RNFT2: variants seen among roughly 807,000 people sequenced by gnomAD.
RNFT2 encodes ring finger protein, transmembrane 2, also known as E3 ubiquitin-protein ligase RNFT2.
RNFT2 carries 36 observed loss-of-function variants against 53.0 expected under a neutral mutation model. That is an observed-to-expected ratio of 0.68 (90% CI 0.52 to 0.90). The LOEUF (loss-of-function observed/expected upper bound fraction) is 0.90, where lower values mean the gene tolerates loss of function less well. Among genes scored for constraint, RNFT2 ranks in the 40% least tolerant of loss-of-function variants. The pLI, the probability that RNFT2 is intolerant of heterozygous loss-of-function variation, is 0.00. For missense variants in RNFT2, 514 were observed against 585.6 expected (o/e 0.88, Z 1.26); for synonymous variants, 260 against 253.2 (o/e 1.03, Z -0.26).
At chr12:116,790,159 T>C (rs1874168822) in intron 7 of RNFT2, among the ~76,000 whole-genome samples, 1 of 152,358 alleles carries the variant, frequency 6.6e-6, no homozygotes, top group African/African-American at 2.4e-5. Flanking sequence ...TTCTCTGTGC[T>C]AGAAAAGACC....
At chr12:116,843,722 T>C (rs1455770259) in intron 10 of RNFT2, among the ~76,000 whole-genome samples, 1 of 152,094 alleles carries the variant, frequency 6.6e-6, no homozygotes, top group Non-Finnish European at 1.5e-5. Flanking sequence ...AACCTGGTTT[T>C]TTGAACCTTT....
At chr12:116,826,005 G>C (rs535309110) in intron 7 of RNFT2, among the ~76,000 whole-genome samples, 27 of 149,622 alleles carry the variant, frequency 1.8e-4, no homozygotes, top group Non-Finnish European at 3.2e-4. Flanking sequence ...TTTCATCTCT[G>C]TCTGTGCATT....
chr12:116,802,114 C>T (rs1370070919), intron 7 of RNFT2, among the ~76,000 whole-genome samples: 3 of 152,168 alleles, frequency 2.0e-5, no homozygotes, highest in Non-Finnish European at 4.4e-5. Context: ...AGCCACTGCA[C>T]CCAGCCTAAT....
At chr12:116,788,545 A>T (rs765110872) in intron 7 of RNFT2, among the ~76,000 whole-genome samples, 1 of 151,932 alleles carries the variant, frequency 6.6e-6, no homozygotes, top group African/African-American at 2.4e-5. Context: ...AGCACCCTAT[A>T]CTTCCCCTAT....
In RNFT2 at chr12:116,811,915, G is replaced by C. The variant is rs376855207; in HGVS notation, c.883-21877G>C. On this transcript the variant is annotated intron_variant, in intron 7 of 10. Coordinates refer to ENST00000257575, the MANE Select transcript of RNFT2 (RefSeq NM_001382266.1). ...ACCAATAGGCACCAGCCCTGGACTGGGTCCTGGGGCTGCCTGGTTTGAATC... is the reference window on the plus strand; with the variant it reads ...ACCAATAGGCACCAGCCCTGGACTGCGTCCTGGGGCTGCCTGGTTTGAATC... Among the ~76,000 whole-genome samples the C allele has an allele frequency of 1.6e-4, 24 of 152,328 alleles. No individual in the cohort carries two copies. In the South Asian group the frequency reaches 3.9e-3, roughly 25 times the overall value.
chr12:116,806,450 TA>T (rs1875085055), intron 7 of RNFT2, among the ~76,000 whole-genome samples: 1 of 150,456 alleles, frequency 6.6e-6, no homozygotes, highest in South Asian at 2.1e-4. Context: ...TTTAATCTAG[TA>T]AAATGTTTAA....
chr12:116,789,986 G>GGATGGATA (rs1043970338), intron 7 of RNFT2, among the ~76,000 whole-genome samples: 4 of 151,934 alleles, frequency 2.6e-5, no homozygotes, highest in Non-Finnish European at 4.4e-5. Context: ...ATGGATGGAT[G>GGATGGATA]GATGGATAGT....
Position 116,850,635 on chromosome 12 carries a change from T to TTTTTTTTG in RNFT2, c.*1189_*1190insTTTTTGTT, listed in dbSNP as rs1555211110. ...CTTTTCTTTTCTTTTTTTTTTTTTT[T>TTTTTTTTG]TTGTTGTTGTGAGACAGAGTCTTGC... On this transcript the variant is annotated 3_prime_UTR_variant, in exon 11 of 11. Coordinates refer to ENST00000257575, the MANE Select transcript of RNFT2 (RefSeq NM_001382266.1). 3 of 149,922 alleles carry TTTTTTTTG rather than the reference T, an allele frequency of 2.0e-5. No homozygotes were observed. Among genetic ancestry groups the TTTTTTTTG allele is most frequent in the South Asian group, 2.1e-4 (1 of 4,738 alleles). 9.3% of individuals were successfully genotyped at this position (149,922 alleles called of 1,614,324 possible).
At chr12:116,841,323 C>T (rs1877236803) in intron 10 of RNFT2, among the ~76,000 whole-genome samples, 1 of 152,090 alleles carries the variant, frequency 6.6e-6, no homozygotes, top group South Asian at 2.1e-4. Flanking sequence ...TGTGGTGGTG[C>T]ACGCCTGTGG....
At chr12:116,846,753 C>CT (rs1223221501) in intron 10 of RNFT2, among the ~76,000 whole-genome samples, 1 of 151,864 alleles carries the variant, frequency 6.6e-6, no homozygotes, top group South Asian at 2.1e-4. Flanking sequence ...TACATTTGCC[C>CT]TTTTTTTGAC....
chr12:116,788,789 T>C (rs1358805534), intron 7 of RNFT2, among the ~76,000 whole-genome samples: 5 of 151,344 alleles, frequency 3.3e-5, no homozygotes, highest in Admixed American at 2.6e-4. Context: ...ATAGATGAAT[T>C]AGATGATCAT....
chr12:116,779,306 C>T lies in RNFT2; in HGVS notation c.840C>T (p.Leu280=). Residue 280 remains leucine (L), a synonymous_variant, in exon 7 of 11, where the codon CTC becomes CTT. Transcript: ENST00000257575. The part of the protein sequence containing the change: ...LKYITIALKC[L]IVALPKIILA... ...ACATCACCATCGCCCTCAAGTGCCT[C>T]ATCGTGGCCCTGCCCAAGATCATCC... 6.2e-7 allele frequency: 1 copy of T among 1,614,014 alleles called. No homozygotes were observed. The highest frequency in any genetic ancestry group is 8.5e-7 in the Non-Finnish European group (1 of 1,179,888).
At chr12:116,769,645 A>T (rs1401415152) in intron 6 of RNFT2, among the ~76,000 whole-genome samples, 3 of 152,250 alleles carry the variant, frequency 2.0e-5, no homozygotes, top group African/African-American at 7.2e-5. Context: ...AAGTGTTATT[A>T]TAAAATAGTC....
chr12:116,833,884 C>T lies in RNFT2; in HGVS notation c.975C>T (p.Asp325=), dbSNP rs376955759. ...QLWYKYIMGD[D]SSNSYFLGGV... ...GGTACAAATACATCATGGGTGACGA[C>T]TCCTCCAACAGCTACTTCCTGGGCG... The change falls in exon 8 of 11, where the codon GAC becomes GAT. Residue 325 remains aspartate (D), a synonymous_variant. Coordinates refer to ENST00000257575, the MANE Select transcript of RNFT2 (RefSeq NM_001382266.1). 5.8e-5 allele frequency: 94 copies of T among 1,613,314 alleles called. 1 individual carries two copies. Among genetic ancestry groups the T allele is most frequent in the East Asian group, 5.1e-4 (23 of 44,792 alleles).
chr12:116,783,207 G>A (rs1343688084), intron 7 of RNFT2, among the ~76,000 whole-genome samples: 1 of 152,196 alleles, frequency 6.6e-6, no homozygotes, highest in East Asian at 1.9e-4. Flanking sequence ...TCAGAATGAG[G>A]ATTTGAACTC....
At chr12:116,744,420 G>T (rs1871800766) in intron 3 of RNFT2, among the ~76,000 whole-genome samples, 1 of 152,092 alleles carries the variant, frequency 6.6e-6, no homozygotes, top group African/African-American at 2.4e-5. Flanking sequence ...ACCGTGTATT[G>T]AGTGCTTATG....
chr12:116,833,375 G>A (rs1382050678), intron 7 of RNFT2, among the ~76,000 whole-genome samples: 2 of 152,198 alleles, frequency 1.3e-5, no homozygotes, highest in African/African-American at 2.4e-5. Context: ...GAGAGCAGTC[G>A]CCTGTGATGC....
chr12:116,849,132 T>C (rs1167637636), intron 10 of RNFT2, among the ~76,000 whole-genome samples, 182 bp from the exon 11 acceptor site: 1 of 152,110 alleles, frequency 6.6e-6, no homozygotes, highest in Non-Finnish European at 1.5e-5. Context: ...CCCCTGCTGT[T>C]TCATCTTGGT....
Position 116,853,625 on chromosome 12 carries a change from G to A in RNFT2, c.*4177G>A, listed in dbSNP as rs761673093. The A allele has an allele frequency of 6.4e-6, 1 of 156,514 alleles. No individual in the cohort carries two copies. Among genetic ancestry groups the A allele is most frequent in the Non-Finnish European group, 1.4e-5 (1 of 71,022 alleles). 9.7% of individuals were successfully genotyped at this position (156,514 alleles called of 1,614,324 possible). A position where few individuals can be genotyped will look rare whatever the true frequency, so the allele number is the denominator to read the frequency against. On this transcript the variant is annotated 3_prime_UTR_variant, in exon 11 of 11. Transcript: ENST00000257575. The stretch of plus-strand genomic sequence containing the variant: ...CTTCAGCCAATAAATACCATCTGTT[G>A]GTGCAACTTGTGTTTGTGGTCTTGA...
Sources: allele counts gnomAD v4.1 joint callset (sites outside exome capture counted in the v4.1 genomes callset), GRCh38; gene constraint gnomAD v4.1.1; transcripts MANE v1.5; gene names NCBI Gene and HGNC (gene_info 2026-07-23, HGNC 2026-07-21).